Variants in MFF observed in about 807,000 individuals in gnomAD.
MFF encodes mitochondrial fission factor.
In MFF, 12 loss-of-function variants were observed where a neutral mutation model predicts 36.9. The ratio of observed to expected loss-of-function variants is 0.33; its 90% CI spans 0.21 to 0.53. The LOEUF is 0.53. Among genes scored for constraint, MFF ranks in the 20% least tolerant of loss-of-function variants. MFF has a pLI of 0.95. For synonymous variants in MFF, 99 were observed against 126.2 expected (o/e 0.78, Z 1.44); for missense variants, 348 against 366.6 (o/e 0.95, Z 0.42).
At chr2:227,335,019 A>C (rs965696682) in intron 4 of MFF, among the ~76,000 whole-genome samples, 3 of 151,990 alleles carry the variant, frequency 2.0e-5, no homozygotes, top group African/African-American at 7.3e-5. Context: ...AAATACAAAA[A>C]TTAGCTGGGC....
chr2:227,332,360 G>A (rs2074661857), intron 3 of MFF, 59 bp from the exon 4 acceptor site: 5 of 1,299,684 alleles, frequency 3.8e-6, no homozygotes, highest in African/African-American at 3.2e-5. Flanking sequence ...AAAAATCACT[G>A]TCTTTTTAAA....
intron 7 of MFF, among the ~76,000 whole-genome samples, chr2:227,353,878 A>AT (rs1208834773): frequency 1.3e-5 from 2 of 151,958 alleles, no homozygotes; most frequent in South Asian, 2.1e-4. Context: ...CTTCTGTTTG[A>AT]TTTTTTTCCT....
intron 5 of MFF, chr2:227,346,694 C>T (rs993194122): frequency 2.0e-5 from 3 of 152,248 alleles, no homozygotes; most frequent in Non-Finnish European, 2.9e-5. Context: ...ACTAATTCAT[C>T]CTTAAATCAG....
At chr2:227,356,709 A>G (rs1230853886) in intron 8 of MFF, among the ~76,000 whole-genome samples, 1 of 152,090 alleles carries the variant, frequency 6.6e-6, no homozygotes, top group Non-Finnish European at 1.5e-5. Flanking sequence ...CCGCTTCCTC[A>G]CCTCACTATG....
At chr2:227,331,976 T>A (rs1424639355) in intron 3 of MFF, among the ~76,000 whole-genome samples, 1 of 132,414 alleles carries the variant, frequency 7.6e-6, no homozygotes, top group Non-Finnish European at 1.6e-5. Flanking sequence ...TTTTTTTTTT[T>A]TTTTTTTTTT....
At chr2:227,331,996 G>T (rs1228262494) in intron 3 of MFF, among the ~76,000 whole-genome samples, 2 of 106,590 alleles carry the variant, frequency 1.9e-5, no homozygotes, top group Non-Finnish European at 3.5e-5. Flanking sequence ...TTTTGAGACG[G>T]AGTCTCGCTC....
At chr2:227,342,053 A>C (rs1276723546) in intron 5 of MFF, among the ~76,000 whole-genome samples, 1 of 152,084 alleles carries the variant, frequency 6.6e-6, no homozygotes, top group African/African-American at 2.4e-5. Context: ...ATAACAGAAA[A>C]GATTTACAGT....
Position 227,332,412 on chromosome 2 carries a change from C to A in MFF, c.182-7C>A, listed in dbSNP as rs202090250. 6.7e-7 allele frequency: 1 copy of A among 1,494,010 alleles called. No individual in the cohort carries two copies. Among genetic ancestry groups the A allele is most frequent in the Admixed American group, 2.0e-5 (1 of 50,888 alleles). 92.5% of individuals were successfully genotyped at this position (1,494,010 alleles called of 1,614,324 possible). A position where few individuals can be genotyped will look rare whatever the true frequency, so the allele number is the denominator to read the frequency against. ...TCTTCTTTGTCTCTTTTCTTGAAAA[C>A]TCCTAGGAAATAATGAAGATGTTTC... On this transcript the variant is annotated splice_region_variant and splice_polypyrimidine_tract_variant and intron_variant, in intron 3 of 8. Transcript: ENST00000304593.
intron 6 of MFF, among the ~76,000 whole-genome samples, chr2:227,347,830 T>C (rs1355240452): frequency 6.6e-6 from 1 of 152,252 alleles, no homozygotes; most frequent in East Asian, 1.9e-4. Flanking sequence ...GGACACTTTT[T>C]TCCTTTCCTC....
At chr2:227,348,092 G>GAT (rs1298958213) in intron 6 of MFF, among the ~76,000 whole-genome samples, 1 of 152,144 alleles carries the variant, frequency 6.6e-6, no homozygotes, top group Non-Finnish European at 1.5e-5. Context: ...GTGTGGGAAA[G>GAT]ATAGAGTCAA....
Position 227,329,765 on chromosome 2 carries a change from G to T in MFF, c.-40-861G>T, listed in dbSNP as rs3211098. The T allele has an allele frequency of 0.35, 538,153 of 1,538,830 alleles. 94,120 individuals are homozygous for T. The highest frequency in any genetic ancestry group is 0.45 in the South Asian group (39,462 of 87,746). ...ATTTAAATGAGTAAAGGAACAAGCA[G>T]TGACACATCACTAGGAAGGTCAGTG... On this transcript the variant is annotated intron_variant, in intron 2 of 8. Transcript: ENST00000304593.
At chr2:227,336,076 C>T (rs189698629) in intron 4 of MFF, among the ~76,000 whole-genome samples, 75 of 152,234 alleles carry the variant, frequency 4.9e-4, no homozygotes, top group Non-Finnish European at 9.4e-4. Flanking sequence ...AAAAGGAATC[C>T]GAACTGGAGC....
intron 4 of MFF, among the ~76,000 whole-genome samples, chr2:227,335,171 C>CAA (rs386392817): frequency 0.4 from 51,799 of 128,298 alleles, 10,939 homozygotes; most frequent in South Asian, 0.51. Flanking sequence ...CTCTGTCTCT[C>CAA]AAAAAAAAAA....
At chr2:227,341,165 A>T (rs1193335547) in intron 5 of MFF, among the ~76,000 whole-genome samples, 1 of 152,158 alleles carries the variant, frequency 6.6e-6, no homozygotes, top group African/African-American at 2.4e-5. Flanking sequence ...CAAAATAACT[A>T]GAGGACAATA....
chr2:227,329,098 G>A (rs1401681854), intron 2 of MFF: 2 of 152,388 alleles, frequency 1.3e-5, no homozygotes, highest in African/African-American at 4.8e-5. Context: ...TATATATAGT[G>A]TCTTTGCTGA....
chr2:227,352,621 TTGTG>T, intron 7 of MFF, 48 bp downstream of exon 7: 1 of 1,418,992 alleles, frequency 7.0e-7, no homozygotes, highest in Non-Finnish European at 9.6e-7. Context: ...TTGGCGGAAT[TTGTG>T]TGTTGCAGGG....
At chr2:227,338,372 AAAAAAAAAAAAG>A (rs2075162429) in intron 4 of MFF, among the ~76,000 whole-genome samples, 2 of 146,910 alleles carry the variant, frequency 1.4e-5, no homozygotes, top group African/African-American at 5.2e-5. Context: ...TCTGTCTCAA[AAAAAAAAAAAAG>A]AAAAGAAAAA....
chr2:227,338,888 G>GTTT (rs2075219483), intron 4 of MFF, among the ~76,000 whole-genome samples: 1 of 151,266 alleles, frequency 6.6e-6, no homozygotes, highest in Non-Finnish European at 1.5e-5. Context: ...TTAGTGGGGG[G>GTTT]TTTTTTGTTT....
rs74876310 is a variant in MFF, at chr2:227,355,428, T to C, written c.660-249T>C. ...CTTGAGAATTTTCTATGTGTTTCTT[T>C]AGTCAGGATTTTTTTCCCATTCTCC... On this transcript the variant is annotated intron_variant, in intron 7 of 8. Coordinates refer to ENST00000304593, the MANE Select transcript of MFF (RefSeq NM_001277062.2). 0.015 allele frequency: 3,727 copies of C among 255,936 alleles called. 139 individuals carry two copies. Among genetic ancestry groups the C allele is most frequent in the African/African-American group, 0.079 (3,487 of 44,400 alleles). The allele number at this position is 255,936 out of a possible 1,614,324, so 15.9% of individuals were successfully genotyped here.
Sources: allele counts gnomAD v4.1 joint callset (sites outside exome capture counted in the v4.1 genomes callset), GRCh38; gene constraint gnomAD v4.1.1; transcripts MANE v1.5; gene names NCBI Gene and HGNC (gene_info 2026-07-23, HGNC 2026-07-21).